Variants in GPC5 observed in about 807,000 individuals in gnomAD.
The protein encoded by GPC5 is glypican-5.
GPC5 carries 47 observed loss-of-function variants against 53.9 expected under a neutral mutation model. That is an observed-to-expected ratio of 0.87 (90% confidence interval 0.69 to 1.11). GPC5 has a LOEUF of 1.11. GPC5 is among the 50% of genes most tolerant of loss of function. GPC5 has a pLI of 0.00. For synonymous variants in GPC5, 286 were observed against 263.3 expected (o/e 1.09, Z -0.84); for missense variants, 748 against 713.1 (o/e 1.05, Z -0.56).
chr13:91,497,361 A>G (rs1340988936), intron 2 of GPC5, among the ~76,000 whole-genome samples: 2 of 152,138 alleles, frequency 1.3e-5, no homozygotes, highest in African/African-American at 4.8e-5. Context: ...AAGTCATCAA[A>G]TTAATCTGGA....
chr13:92,073,959 T>C (rs1429121749), intron 6 of GPC5, among the ~76,000 whole-genome samples: 1 of 152,194 alleles, frequency 6.6e-6, no homozygotes, highest in Non-Finnish European at 1.5e-5. Context: ...CCCTCTTTGC[T>C]CTGCATTTCT....
At chr13:92,345,760 G>A (rs1334900603) in intron 7 of GPC5, among the ~76,000 whole-genome samples, 2 of 152,082 alleles carry the variant, frequency 1.3e-5, no homozygotes, top group Admixed American at 6.5e-5. Context: ...AGCATTCTGA[G>A]ACACTTCCCA....
At chr13:92,859,965 C>T (rs752591922) in intron 7 of GPC5, among the ~76,000 whole-genome samples, 2 of 151,886 alleles carry the variant, frequency 1.3e-5, no homozygotes, top group Non-Finnish European at 2.9e-5. Context: ...AAACTTCAAT[C>T]CAGAAAAAAA....
intron 7 of GPC5, among the ~76,000 whole-genome samples, chr13:92,836,583 C>G (rs540063776): frequency 3.9e-5 from 6 of 152,166 alleles, no homozygotes; most frequent in Non-Finnish European, 8.8e-5. Flanking sequence ...AGGCACTTCT[C>G]TAATCTGTTT....
intron 7 of GPC5, among the ~76,000 whole-genome samples, chr13:92,663,843 A>C (rs1886456490): frequency 1.0e-5 from 1 of 97,024 alleles, no homozygotes; most frequent in Non-Finnish European, 2.4e-5. Flanking sequence ...CTATATATAT[A>C]TACACACACA....
chr13:92,461,820 G>A (rs74107278), intron 7 of GPC5, among the ~76,000 whole-genome samples: 4,244 of 152,286 alleles, frequency 0.028, 222 homozygotes, highest in African/African-American at 0.098. Flanking sequence ...CTCCAGAACT[G>A]TGAGAAATAA....
chr13:92,599,503 A>T (rs535228721), intron 7 of GPC5, among the ~76,000 whole-genome samples: 7 of 152,314 alleles, frequency 4.6e-5, no homozygotes, highest in Admixed American at 1.3e-4. Context: ...GTCAAGCAGG[A>T]CATACTAGAA....
At chr13:91,919,104 A>G (rs1201346857) in intron 6 of GPC5, among the ~76,000 whole-genome samples, 2 of 151,916 alleles carry the variant, frequency 1.3e-5, no homozygotes, top group African/African-American at 2.4e-5. Flanking sequence ...GCTTAAGCCT[A>G]TTTCTTGGGT....
At chr13:92,595,097 A>G (rs917000838) in intron 7 of GPC5, among the ~76,000 whole-genome samples, 1 of 152,168 alleles carries the variant, frequency 6.6e-6, no homozygotes, top group Non-Finnish European at 1.5e-5. Flanking sequence ...GAAGGCAGAG[A>G]TCCAGATGCT....
At chr13:92,294,327 T>G (rs1013093916) in intron 7 of GPC5, among the ~76,000 whole-genome samples, 7 of 152,034 alleles carry the variant, frequency 4.6e-5, no homozygotes, top group Admixed American at 4.6e-4. Flanking sequence ...GGTCCTGGAG[T>G]TTTTTGTTGT....
At chr13:92,305,233 T>C (rs1216371683) in intron 7 of GPC5, among the ~76,000 whole-genome samples, 1 of 152,112 alleles carries the variant, frequency 6.6e-6, no homozygotes, top group African/African-American at 2.4e-5. Context: ...TGAATTCAAG[T>C]CTGAAAATGT....
intron 7 of GPC5, among the ~76,000 whole-genome samples, chr13:92,608,415 A>G (rs1884326919): frequency 2.0e-5 from 3 of 152,136 alleles, no homozygotes; most frequent in Non-Finnish European, 4.4e-5. Flanking sequence ...GGAGTACTTT[A>G]TTGTCTATAA....
chr13:91,438,963 G>A (rs898317885), intron 1 of GPC5, among the ~76,000 whole-genome samples: 16 of 152,242 alleles, frequency 1.1e-4, no homozygotes, highest in African/African-American at 3.9e-4. Flanking sequence ...TCCGAGCCAG[G>A]TGCGGGATAT....
intron 2 of GPC5, among the ~76,000 whole-genome samples, chr13:91,487,280 T>C (rs1883663726): frequency 6.6e-6 from 1 of 152,078 alleles, no homozygotes; most frequent in Admixed American, 6.5e-5. Context: ...TGAAGGCAAA[T>C]CTTTTGAGGA....
intron 5 of GPC5, among the ~76,000 whole-genome samples, chr13:91,779,207 GC>G (rs1370932555): frequency 5.9e-5 from 9 of 152,052 alleles, no homozygotes; most frequent in African/African-American, 2.2e-4. Context: ...GTTAAAATTA[GC>G]CCACTATCAC....
chr13:92,587,149 T>A (rs988934234), intron 7 of GPC5, among the ~76,000 whole-genome samples: 1 of 152,136 alleles, frequency 6.6e-6, no homozygotes, highest in Non-Finnish European at 1.5e-5. Flanking sequence ...ATGTTGACCA[T>A]CATATCTTGT....
At chr13:92,036,020 C>A (rs72635404) in intron 6 of GPC5, among the ~76,000 whole-genome samples, 2,946 of 152,228 alleles carry the variant, frequency 0.019, 36 homozygotes, top group Non-Finnish European at 0.032. Flanking sequence ...AACTGGCCCC[C>A]GGGGTTGTTT....
At chr13:91,447,832 T>G (rs1029743674) in intron 1 of GPC5, among the ~76,000 whole-genome samples, 2 of 152,064 alleles carry the variant, frequency 1.3e-5, no homozygotes, top group Non-Finnish European at 2.9e-5. Context: ...ATTAGGCCAT[T>G]ATGTAAATAA....
intron 2 of GPC5, among the ~76,000 whole-genome samples, chr13:91,509,700 A>G (rs1295825340): frequency 1.3e-5 from 2 of 152,078 alleles, no homozygotes; most frequent in Non-Finnish European, 2.9e-5. Context: ...ATTCAAAGCC[A>G]TTTTAGTCAC....
Sources: allele counts gnomAD v4.1 joint callset (sites outside exome capture counted in the v4.1 genomes callset), GRCh38; gene constraint gnomAD v4.1.1; transcripts MANE v1.5; gene names NCBI Gene and HGNC (gene_info 2026-07-23, HGNC 2026-07-21).